The following EIF4G3 variants were observed in gnomAD, a reference collection of about 807,000 sequenced individuals.
EIF4G3 encodes eIF-4-gamma 3.
Under a neutral mutation model 186.4 loss-of-function variants are expected in EIF4G3, and 34 were observed. That is an observed-to-expected ratio of 0.18 (90% CI 0.14 to 0.24). The LOEUF is 0.24. EIF4G3 is among the 10% of genes least tolerant of loss of function. The probability of loss-of-function intolerance (pLI) is 1.00; values close to 1 mark genes in which losing one functional copy is unlikely to be tolerated. For synonymous variants in EIF4G3, 673 were observed against 679.5 expected (o/e 0.99, Z 0.15); for missense variants, 1,536 against 1,948.5 (o/e 0.79, Z 3.99).
At chr1:20,990,590 A>C (rs998187261) in intron 7 of EIF4G3, among the ~76,000 whole-genome samples, 4 of 151,850 alleles carry the variant, frequency 2.6e-5, no homozygotes, top group Non-Finnish European at 5.9e-5. Context: ...AATTGCTTGA[A>C]CCCGGGAGGC....
At chr1:21,101,318 G>A (rs571116797) in intron 2 of EIF4G3, among the ~76,000 whole-genome samples, 17 of 151,922 alleles carry the variant, frequency 1.1e-4, no homozygotes, top group Middle Eastern at 3.4e-3. Flanking sequence ...CAGTAAACTC[G>A]GCACTTTGGG....
chr1:20,873,429 T>C (rs2079790636), intron 20 of EIF4G3, among the ~76,000 whole-genome samples: 1 of 152,232 alleles, frequency 6.6e-6, no homozygotes, highest in African/African-American at 2.4e-5. Context: ...TAGTATATAA[T>C]GCTAAACAAT....
chr1:20,880,664 A>G (rs1449128347), intron 19 of EIF4G3, among the ~76,000 whole-genome samples: 1 of 152,026 alleles, frequency 6.6e-6, no homozygotes, highest in Non-Finnish European at 1.5e-5. Flanking sequence ...GGCAGAAGAA[A>G]CACTTGAACC....
intron 2 of EIF4G3, among the ~76,000 whole-genome samples, chr1:21,118,614 C>G (rs1228963978): frequency 6.6e-6 from 1 of 151,776 alleles, no homozygotes; most frequent in East Asian, 1.9e-4. Flanking sequence ...GGTGAAACCC[C>G]GTCTCTACTA....
rs766954291 is a variant in EIF4G3, at chr1:20,981,075, G to C, written c.351C>G (p.Pro117=). The C allele has an allele frequency of 6.2e-7, 1 of 1,612,118 alleles. No homozygotes were observed. Among genetic ancestry groups the C allele is most frequent in the South Asian group, 1.1e-5 (1 of 90,842 alleles). The change falls in exon 9 of 37, where the codon CCC becomes CCG. Residue 117 remains proline (P), a synonymous_variant. Transcript: ENST00000602326. ...GTGGTATACAGTACTGAGGCCCCTG[G>C]GGCACTGGGTACGGCATGGGCAGAT... ...VNHLPMPYPV[P]QGPQYCIPQY...
At chr1:20,938,435 T>C (rs989835939) in intron 14 of EIF4G3, among the ~76,000 whole-genome samples, 1 of 152,240 alleles carries the variant, frequency 6.6e-6, no homozygotes, top group Non-Finnish European at 1.5e-5. Context: ...CCAACTGATA[T>C]GTTATTTATG....
chr1:20,815,643 G>A (rs2060461633), intron 34 of EIF4G3, among the ~76,000 whole-genome samples: 1 of 128,710 alleles, frequency 7.8e-6, no homozygotes, highest in South Asian at 2.5e-4. Flanking sequence ...CCGTCCGGGA[G>A]GGAGGTGGGG....
chr1:21,053,171 TG>T, intron 3 of EIF4G3, among the ~76,000 whole-genome samples: 1 of 150,418 alleles, frequency 6.6e-6, no homozygotes, highest in Middle Eastern at 3.5e-3. Context: ...GTCTGAGATG[TG>T]GGGAGCACCT....
chr1:21,105,075 G>A (rs1339529072), intron 2 of EIF4G3, among the ~76,000 whole-genome samples: 1 of 152,204 alleles, frequency 6.6e-6, no homozygotes, highest in Non-Finnish European at 1.5e-5. Context: ...TGAGTGGAGA[G>A]TGAGGGTTGA....
intron 29 of EIF4G3, among the ~76,000 whole-genome samples, chr1:20,846,192 G>A (rs1307069754): frequency 6.6e-6 from 1 of 152,144 alleles, no homozygotes; most frequent in Non-Finnish European, 1.5e-5. Flanking sequence ...TTTGGGCTGA[G>A]ATGATGGGGT....
chr1:20,893,419 G>A, intron 18 of EIF4G3, 98 bp downstream of exon 18: 1 of 1,269,764 alleles, frequency 7.9e-7, no homozygotes, highest in African/African-American at 1.5e-5. Context: ...TTCTTGACTA[G>A]AATCAACGAA....
intron 18 of EIF4G3, chr1:20,892,989 C>T (rs1353186030): frequency 5.2e-6 from 2 of 388,104 alleles, no homozygotes; most frequent in African/African-American, 4.2e-5. Context: ...CTCACTGTAG[C>T]CTGGACCTCC....
chr1:21,050,614 C>CT (rs2094155252), intron 4 of EIF4G3, among the ~76,000 whole-genome samples: 1 of 152,178 alleles, frequency 6.6e-6, no homozygotes, highest in Non-Finnish European at 1.5e-5. Flanking sequence ...GAATAAAACT[C>CT]TAACTTCTTA....
intron 14 of EIF4G3, among the ~76,000 whole-genome samples, chr1:20,908,025 T>G (rs1430634814): frequency 6.6e-6 from 1 of 151,964 alleles, no homozygotes; most frequent in East Asian, 1.9e-4. Context: ...GTAAAAGTGT[T>G]CCTATTTCTC....
intron 4 of EIF4G3, among the ~76,000 whole-genome samples, chr1:21,043,428 T>C (rs899178267): frequency 1.3e-5 from 2 of 152,198 alleles, no homozygotes; most frequent in African/African-American, 4.8e-5. Context: ...TGAAAAATAA[T>C]TGTACTTAAC....
intron 3 of EIF4G3, among the ~76,000 whole-genome samples, chr1:21,083,075 T>TAAAAAAAA (rs1553217323): frequency 8.2e-5 from 9 of 110,044 alleles, no homozygotes; most frequent in African/African-American, 3.2e-4. Flanking sequence ...AAAAAAAAAG[T>TAAAAAAAA]TTAAAAAATT....
intron 6 of EIF4G3, among the ~76,000 whole-genome samples, chr1:21,000,794 G>C (rs569867834): frequency 1.5e-5 from 2 of 131,212 alleles, no homozygotes; most frequent in Non-Finnish European, 3.5e-5. Context: ...AAATTGTATA[G>C]AGGATAGTAT....
chr1:20,944,257 G>A (rs1249168605), intron 13 of EIF4G3, among the ~76,000 whole-genome samples: 5 of 151,976 alleles, frequency 3.3e-5, no homozygotes, highest in African/African-American at 1.2e-4. Context: ...GCTCGCATCT[G>A]TAATCCTAGC....
intron 33 of EIF4G3, among the ~76,000 whole-genome samples, chr1:20,823,326 A>G (rs1553186446): frequency 6.6e-6 from 1 of 152,160 alleles, no homozygotes; most frequent in Non-Finnish European, 1.5e-5. Flanking sequence ...ACATATTAAC[A>G]TATCTTAGAT....
Sources: allele counts gnomAD v4.1 joint callset (sites outside exome capture counted in the v4.1 genomes callset), GRCh38; gene constraint gnomAD v4.1.1; transcripts MANE v1.5; gene names NCBI Gene and HGNC (gene_info 2026-07-23, HGNC 2026-07-21).